The following NEMP2 variants were observed in gnomAD, a reference collection of about 807,000 sequenced individuals.
NEMP2 encodes UPF0571 transmembrane protein.
In NEMP2, 53 loss-of-function variants were observed where a neutral mutation model predicts 54.2. The observed-to-expected ratio is 0.98, with a 90% CI of 0.78 to 1.23. The LOEUF (loss-of-function observed/expected upper bound fraction) is 1.23. NEMP2 is among the 50% of genes most tolerant of loss of function. The probability of loss-of-function intolerance (pLI) is 0.00; values close to 1 mark genes in which losing one functional copy is unlikely to be tolerated. For missense variants in NEMP2, 455 were observed against 511.3 expected, an observed-to-expected ratio of 0.89 and a Z score of 1.06; for synonymous variants, 197 against 190.3, an observed-to-expected ratio of 1.04 and a Z score of -0.29.
chr2:190,518,057 A>T (rs1331710555), intron 4 of NEMP2, among the ~76,000 whole-genome samples: 3 of 152,216 alleles, frequency 2.0e-5, no homozygotes, highest in Non-Finnish European at 2.9e-5. Context: ...AAGTTCATGG[A>T]TGACATTAAA....
At chr2:190,645,089 C>G in the NEMP2 span, among the ~76,000 whole-genome samples, 1 of 152,098 alleles carries the variant, frequency 6.6e-6, no homozygotes, top group African/African-American at 2.4e-5. Context: ...GTCAAGAAGG[C>G]TTTCAAATTT....
chr2:190,527,783 A>G lies in NEMP2; in HGVS notation c.98-2405T>C, dbSNP rs925425265. Among the ~76,000 whole-genome samples, 2 of 152,138 alleles carry G rather than the reference A, an allele frequency of 1.3e-5. No individual in the cohort carries two copies. Among genetic ancestry groups the G allele is most frequent in the African/African-American group, 4.8e-5 (2 of 41,424 alleles). The stretch of plus-strand genomic sequence containing the variant: ...CACCTCCTGTCAGATCAGCAGTGGC[A>G]TTAGATTATCATAGGAGCGTGAACC... On this transcript the variant is annotated intron_variant, in intron 1 of 8. Transcript: ENST00000409150. The surrounding 1 kb of genome is among the most constrained non-coding windows in gnomAD (Gnocchi z 4.0).
At chr2:190,565,265 G>A in the NEMP2 span, among the ~76,000 whole-genome samples, 1 of 152,114 alleles carries the variant, frequency 6.6e-6, no homozygotes, top group Admixed American at 6.5e-5. Context: ...CAAATGAATT[G>A]CAAGTCTGCA....
chr2:190,493,787 A>C, the NEMP2 span, among the ~76,000 whole-genome samples: 1,723 of 152,324 alleles, frequency 0.011, 39 homozygotes, highest in African/African-American at 0.038. Context: ...CAACAGCAAA[A>C]TCAAGATGGA....
At chr2:190,592,096 C>T in the NEMP2 span, among the ~76,000 whole-genome samples, 1 of 152,170 alleles carries the variant, frequency 6.6e-6, no homozygotes, top group Non-Finnish European at 1.5e-5. The surrounding 1 kb of genome is among the most constrained non-coding windows in gnomAD (Gnocchi z 4.4). Flanking sequence ...ATTCTATGCA[C>T]TGTGAGGCTC....
At chr2:190,534,235 C>T in intron 1 of NEMP2, 2 of 1,096,672 alleles carry the variant, frequency 1.8e-6, no homozygotes, top group South Asian at 8.9e-5. Flanking sequence ...GTGCCAGTGA[C>T]AAGCTGTGTG....
chr2:190,600,094 T>G, the NEMP2 span, among the ~76,000 whole-genome samples: 1 of 152,178 alleles, frequency 6.6e-6, no homozygotes, highest in Non-Finnish European at 1.5e-5. This position sits in a 1 kb window ranked among gnomAD's most constrained non-coding sequence, Gnocchi z 4.9. Flanking sequence ...AAAATTAGTT[T>G]TCGAAGGTTT....
the NEMP2 span, among the ~76,000 whole-genome samples, chr2:190,430,797 C>T: frequency 6.5e-5 from 5 of 77,394 alleles, no homozygotes; most frequent in African/African-American, 1.3e-4. Flanking sequence ...CGGGCAGAGG[C>T]GCCCCCCCCA....
chr2:190,445,390 A>T, the NEMP2 span, among the ~76,000 whole-genome samples: 1 of 152,014 alleles, frequency 6.6e-6, no homozygotes, highest in Non-Finnish European at 1.5e-5. Context: ...TCACATGCTA[A>T]AAGTAGGACT....
the NEMP2 span, chr2:190,454,294 G>T: frequency 6.6e-6 from 1 of 152,134 alleles, no homozygotes; most frequent in Non-Finnish European, 1.5e-5. This position sits in a 1 kb window ranked among gnomAD's most constrained non-coding sequence, Gnocchi z 4.6. Context: ...AATTGTGTTA[G>T]AGAGTGAAGG....
At chr2:190,639,675 G>A in the NEMP2 span, among the ~76,000 whole-genome samples, 29 of 150,488 alleles carry the variant, frequency 1.9e-4, no homozygotes, top group East Asian at 5.3e-3. Context: ...TTTTGACGGA[G>A]TCTCACTCTG....
chr2:190,488,619 C>A, the NEMP2 span: 1 of 1,407,158 alleles, frequency 7.1e-7, no homozygotes, highest in African/African-American at 1.5e-5. This position sits in a 1 kb window ranked among gnomAD's most constrained non-coding sequence, Gnocchi z 6.4. Context: ...CTAAGAAATG[C>A]TAACCAACTA....
rs1691212051 is a variant in NEMP2, at chr2:190,533,138, T to A, written c.97+1421A>T. Among the ~76,000 whole-genome samples, 1 of 152,164 alleles carries A rather than the reference T, an allele frequency of 6.6e-6. No homozygotes were observed. Among genetic ancestry groups the A allele is most frequent in the Admixed American group, 6.5e-5 (1 of 15,282 alleles). On this transcript the variant is annotated intron_variant, in intron 1 of 8. Transcript: ENST00000409150. This position sits in a 1 kb window ranked among gnomAD's most constrained non-coding sequence, Gnocchi z 4.3. ...TTCAGTAAAAACATCTTCATTTTAC[T>A]CAAGAGAAAACTACGGTCCATAAAG... is the stretch of plus-strand genomic sequence containing the variant.
chr2:190,496,593 A>G, the NEMP2 span, among the ~76,000 whole-genome samples: 1 of 152,162 alleles, frequency 6.6e-6, no homozygotes. The surrounding 1 kb of genome is among the most constrained non-coding windows in gnomAD (Gnocchi z 4.7). Flanking sequence ...TCAATCAATG[A>G]GTGGATAAAG....
the NEMP2 span, chr2:190,444,988 C>T: frequency 2.8e-6 from 1 of 351,880 alleles, no homozygotes; most frequent in Non-Finnish European, 4.0e-6. Context: ...GTCCAGGCCT[C>T]TTATTTTACA....
the NEMP2 span, among the ~76,000 whole-genome samples, chr2:190,632,212 C>T: frequency 4.6e-5 from 7 of 152,198 alleles, no homozygotes; most frequent in Non-Finnish European, 1.0e-4. The surrounding 1 kb of genome is among the most constrained non-coding windows in gnomAD (Gnocchi z 4.8). Flanking sequence ...TGCAGCCTCA[C>T]AGGGCTCTGT....
Position 190,519,253 on chromosome 2 carries a change from C to CAAAA in NEMP2, c.214-71_214-70insTTTT. 4 of 1,101,104 alleles carry CAAAA rather than the reference C, an allele frequency of 3.6e-6. No individual in the cohort carries two copies. The highest frequency in any genetic ancestry group is 5.2e-6 in the Non-Finnish European group (4 of 768,346). The allele number at this position is 1,101,104 out of a possible 1,614,324, so 68.2% of individuals were successfully genotyped here. On this transcript the variant is annotated intron_variant, in intron 2 of 8. Coordinates refer to ENST00000409150, the MANE Select transcript of NEMP2 (RefSeq NM_001142645.2). The surrounding 1 kb of genome is among the most constrained non-coding windows in gnomAD (Gnocchi z 5.4). The stretch of plus-strand genomic sequence containing the variant: ...TTTTTTGTTTTGGAGACAGGGTCTC[C>CAAAA]CTCTGTTGCCCAGAATGGAGTGCAG...
chr2:190,480,357 T>G, the NEMP2 span, among the ~76,000 whole-genome samples: 2 of 151,128 alleles, frequency 1.3e-5, no homozygotes, highest in African/African-American at 4.9e-5. Flanking sequence ...TAATTCATTT[T>G]TCAGCCCCCT....
At chr2:190,426,735 C>T in the NEMP2 span, among the ~76,000 whole-genome samples, 1 of 151,938 alleles carries the variant, frequency 6.6e-6, no homozygotes, top group African/African-American at 2.4e-5. The surrounding 1 kb of genome is among the most constrained non-coding windows in gnomAD (Gnocchi z 4.7). Context: ...CCATTGATTG[C>T]CTTTCTCCAT....
Sources: allele counts gnomAD v4.1 joint callset (sites outside exome capture counted in the v4.1 genomes callset), GRCh38; gene constraint gnomAD v4.1.1; non-coding constraint Gnocchi (gnomAD v3.1); transcripts MANE v1.5; gene names NCBI Gene and HGNC (gene_info 2026-07-23, HGNC 2026-07-21).